Variants in RALYL observed in about 807,000 individuals in gnomAD.
RALYL encodes the protein RALY RNA binding protein like.
RALYL carries 29 observed loss-of-function variants against 35.1 expected under a neutral mutation model. The ratio of observed to expected loss-of-function variants is 0.83; its 90% CI spans 0.61 to 1.13. The LOEUF (loss-of-function observed/expected upper bound fraction) is 1.13, where lower values mean the gene tolerates loss of function less well. RALYL is among the 50% of genes most tolerant of loss of function. The probability of loss-of-function intolerance (pLI) is 0.00; values close to 1 mark genes in which losing one functional copy is unlikely to be tolerated. For missense variants in RALYL, 359 were observed against 360.4 expected, an observed-to-expected ratio of 1.00 and a Z score of 0.03; for synonymous variants, 120 against 127.6, an observed-to-expected ratio of 0.94 and a Z score of 0.40.
chr8:84,242,014 C>G (rs1457148022), intron 1 of RALYL, among the ~76,000 whole-genome samples: 2 of 152,050 alleles, frequency 1.3e-5, no homozygotes, highest in Non-Finnish European at 2.9e-5. Flanking sequence ...CCTCCCACAC[C>G]CCCAACAGGC....
At chr8:84,275,923 C>T (rs1835280845) in intron 1 of RALYL, among the ~76,000 whole-genome samples, 1 of 151,802 alleles carries the variant, frequency 6.6e-6, no homozygotes, top group Non-Finnish European at 1.5e-5. Context: ...TTCTATAATG[C>T]AAAAATTAAA....
chr8:84,602,197 C>T (rs1816133237), intron 2 of RALYL, among the ~76,000 whole-genome samples: 1 of 151,938 alleles, frequency 6.6e-6, no homozygotes, highest in Non-Finnish European at 1.5e-5. Flanking sequence ...TGAAACATAT[C>T]CAATAATTGC....
intron 2 of RALYL, among the ~76,000 whole-genome samples, chr8:84,703,382 A>G (rs886811370): frequency 2.0e-5 from 3 of 152,146 alleles, no homozygotes; most frequent in Non-Finnish European, 4.4e-5. Context: ...TCTGGAGGAG[A>G]AAGGTGGGCC....
chr8:84,586,189 G>A (rs751157817), intron 2 of RALYL, among the ~76,000 whole-genome samples: 60 of 146,924 alleles, frequency 4.1e-4, no homozygotes, highest in Non-Finnish European at 5.5e-4. Flanking sequence ...AGTGAGATGC[G>A]TCTCAAAAAA....
chr8:84,423,019 T>C (rs1485551695), intron 1 of RALYL, among the ~76,000 whole-genome samples: 64 of 149,526 alleles, frequency 4.3e-4, no homozygotes, highest in Non-Finnish European at 6.3e-4. Context: ...AAAAAATGTA[T>C]ATTCTGTTGA....
chr8:84,473,455 G>A (rs567499808), intron 1 of RALYL, among the ~76,000 whole-genome samples: 1 of 151,648 alleles, frequency 6.6e-6, no homozygotes, highest in Admixed American at 6.6e-5. Context: ...CATGTAATTA[G>A]CAATATTTGA....
At chr8:84,666,497 T>C (rs561179347) in intron 2 of RALYL, among the ~76,000 whole-genome samples, 3 of 152,154 alleles carry the variant, frequency 2.0e-5, no homozygotes, top group South Asian at 4.1e-4. Flanking sequence ...TGGAAAGGCA[T>C]TGAAAATGAT....
chr8:84,407,082 A>T (rs1357446322), intron 1 of RALYL, among the ~76,000 whole-genome samples: 1 of 151,468 alleles, frequency 6.6e-6, no homozygotes, highest in East Asian at 1.9e-4. Flanking sequence ...ACACACACAC[A>T]CACAAGAATA....
chr8:84,512,812 C>A (rs1028471897), intron 1 of RALYL, among the ~76,000 whole-genome samples: 36 of 152,084 alleles, frequency 2.4e-4, no homozygotes, highest in Non-Finnish European at 4.0e-4. Context: ...TGTTCTGGCA[C>A]CTTTGTTGAA....
chr8:84,583,480 T>G (rs1161290030), intron 2 of RALYL, among the ~76,000 whole-genome samples: 1 of 152,176 alleles, frequency 6.6e-6, no homozygotes, highest in Admixed American at 6.5e-5. Flanking sequence ...ATCATGTTCC[T>G]AATACATTAA....
At chr8:84,314,475 G>A (rs1276556751) in intron 1 of RALYL, among the ~76,000 whole-genome samples, 2 of 151,782 alleles carry the variant, frequency 1.3e-5, no homozygotes, top group Non-Finnish European at 2.9e-5. Flanking sequence ...ATAAAAATAT[G>A]TGTATTATAT....
intron 2 of RALYL, among the ~76,000 whole-genome samples, chr8:84,545,283 G>T (rs1338285067): frequency 6.6e-6 from 1 of 151,902 alleles, no homozygotes; most frequent in South Asian, 2.1e-4. Context: ...TGTTCCATTG[G>T]TCTGTCTGAA....
chr8:84,628,551 T>C (rs1283744990), intron 2 of RALYL, among the ~76,000 whole-genome samples: 1 of 152,110 alleles, frequency 6.6e-6, no homozygotes, highest in Non-Finnish European at 1.5e-5. Flanking sequence ...AAAGAGTAAA[T>C]GAATATATTT....
chr8:84,246,292 C>T (rs1211276975), intron 1 of RALYL, among the ~76,000 whole-genome samples: 1 of 152,142 alleles, frequency 6.6e-6, no homozygotes, highest in Non-Finnish European at 1.5e-5. Context: ...ACACTATGCT[C>T]AGACCTAAGG....
Position 84,332,829 on chromosome 8 carries a change from A to G in RALYL, c.-24+148405A>G, listed in dbSNP as rs182148238. On this transcript the variant is annotated intron_variant, in intron 1 of 8. Transcript: ENST00000521268. ...CCATTCTTTGGATTCAGAGAAAAAGAGCTGGAGGGGAGGTGACCTGGAAAC... is the reference window on the plus strand; with the variant it reads ...CCATTCTTTGGATTCAGAGAAAAAGGGCTGGAGGGGAGGTGACCTGGAAAC... Among the ~76,000 whole-genome samples, 379 of 152,184 alleles carry G rather than the reference A, an allele frequency of 2.5e-3. 6 individuals carry two copies. Among genetic ancestry groups the G allele is most frequent in the Non-Finnish European group, 3.1e-3 (214 of 68,006 alleles).
In RALYL at chr8:84,816,717, G is replaced by T. The variant is rs527932719; in HGVS notation, c.365+11915G>T. 2.9e-4 allele frequency among the ~76,000 whole-genome samples: 44 copies of T among 152,222 alleles called. No homozygotes were observed. The South Asian group carries it at 8.9e-3, about 31-fold the overall frequency. ...TTGATTGCACAACAGGGTGACTATA[G>T]TCAATAATAACATAATTGTACATCT... On this transcript the variant is annotated intron_variant, in intron 4 of 8. Transcript: ENST00000521268.
chr8:84,267,325 C>CT (rs1833523364), intron 1 of RALYL, among the ~76,000 whole-genome samples: 1 of 152,300 alleles, frequency 6.6e-6, no homozygotes, highest in Admixed American at 6.5e-5. Context: ...CCAGAAGCCT[C>CT]TAACACCTGA....
chr8:84,438,563 A>ATTT (rs1563932032), intron 1 of RALYL, among the ~76,000 whole-genome samples: 3 of 150,860 alleles, frequency 2.0e-5, no homozygotes, highest in Non-Finnish European at 3.0e-5. Flanking sequence ...TATTTTTTTA[A>ATTT]AAATTTTTTG....
At chr8:84,337,021 T>C (rs1001813699) in intron 1 of RALYL, among the ~76,000 whole-genome samples, 1 of 150,586 alleles carries the variant, frequency 6.6e-6, no homozygotes, top group African/African-American at 2.4e-5. Context: ...TGTCTGTGTA[T>C]CTATGTATCT....
Sources: gnomAD v4.1 joint callset for allele counts (sites outside exome capture counted in the v4.1 genomes callset) on GRCh38, gnomAD v4.1.1 for gene constraint, MANE v1.5 for transcripts, NCBI Gene and HGNC (gene_info 2026-07-23, HGNC 2026-07-21) for gene names.